CCDC158: variants seen among roughly 807,000 people sequenced by gnomAD.
CCDC158 encodes the protein coiled-coil domain-containing protein 158.
CCDC158 carries 116 observed loss-of-function variants against 138.6 expected under a neutral mutation model. The observed-to-expected ratio is 0.84, with a 90% CI of 0.72 to 0.98. CCDC158 has a LOEUF of 0.98. CCDC158 is among the 50% of genes least tolerant of loss of function. CCDC158 has a pLI of 0.00. For synonymous variants in CCDC158, 436 were observed against 442.4 expected, an observed-to-expected ratio of 0.99 and a Z score of 0.18; for missense variants, 1,265 against 1,306.1, an observed-to-expected ratio of 0.97 and a Z score of 0.48.
Position 76,373,600 on chromosome 4 carries a change from T to C in CCDC158, c.1030-2064A>G, listed in dbSNP as rs150209025. On this transcript the variant is annotated intron_variant, in intron 9 of 24. Coordinates refer to ENST00000682701, the MANE Select transcript of CCDC158 (RefSeq NM_001394954.1). ...CTTCACTTATTCAACACATATTGAA[T>C]TATATTATCTATACATACATACACA... Among the ~76,000 whole-genome samples the C allele has an allele frequency of 9.0e-4, 137 of 152,278 alleles. 1 individual carries two copies. The highest frequency in any genetic ancestry group is 3.3e-3 in the African/African-American group (137 of 41,568).
intron 4 of CCDC158, 81 bp downstream of exon 4, chr4:76,396,188 A>C (rs746295335): frequency 2.0e-4 from 186 of 946,842 alleles, no homozygotes; most frequent in Non-Finnish European, 2.6e-4. Context: ...AGGAAGTTGT[A>C]TAACTGGCTT....
chr4:76,351,056 A>G lies in CCDC158; in HGVS notation c.2604T>C (p.Ser868=). 6.2e-7 allele frequency: 1 copy of G among 1,614,004 alleles called. No homozygotes were observed. Among genetic ancestry groups the G allele is most frequent in the Non-Finnish European group, 8.5e-7 (1 of 1,179,888 alleles). Residue 868 remains serine (S), a synonymous_variant, in exon 18 of 25, where the codon TCT becomes TCC. Coordinates refer to ENST00000682701, the MANE Select transcript of CCDC158 (RefSeq NM_001394954.1). ...SLKPRLLQPA[S]VTRSHSNVPS... is the part of the protein sequence containing the mutation. ...GTACATTAGAATGAGAACGAGTAAC[A>G]GATGCTGGCTGGAGAAGGCGTGGTT...
At chr4:76,353,095 T>C in intron 16 of CCDC158, 28 bp downstream of exon 16, 1 of 1,563,140 alleles carries the variant, frequency 6.4e-7, no homozygotes, top group Non-Finnish European at 8.8e-7. Context: ...TAGTTGATAA[T>C]TACTTCATAT....
In CCDC158 at chr4:76,362,155, G is replaced by T; in HGVS notation, c.1991C>A (p.Thr664Lys). 6.2e-7 allele frequency: 1 copy of T among 1,613,852 alleles called. No individual in the cohort carries two copies. The highest frequency in any genetic ancestry group is 1.3e-5 in the African/African-American group (1 of 74,978). The change falls in exon 13 of 25, where the codon ACA becomes AAA. Residue 664 changes from threonine (T) to lysine (K), a missense_variant. By Grantham distance (78) the Thr-to-Lys change is moderately conservative. Transcript: ENST00000682701. ...AAGATTGTTTAATTCACTCCTACTT[G>T]TTTTCACCTCATTTAATAATTGATC... ...ERDQLLNEVK[T>K]SRSELNNLSE...
intron 3 of CCDC158, chr4:76,401,429 A>C: frequency 2.2e-6 from 1 of 457,290 alleles, no homozygotes; most frequent in Non-Finnish European, 4.3e-6. Context: ...CTGGAAAAAG[A>C]CTAAAACGAT....
intron 4 of CCDC158, among the ~76,000 whole-genome samples, chr4:76,389,666 T>C (rs886120951): frequency 5.3e-5 from 8 of 152,052 alleles, no homozygotes; most frequent in Non-Finnish European, 1.2e-4. Flanking sequence ...AGGCAATTAA[T>C]AATCAAACTC....
In CCDC158 at chr4:76,403,242, A is replaced by C. The variant is rs758405825; in HGVS notation, c.-35T>G. ...TGCTACTTCTTATTAGAGATCTTGA[A>C]GTATGAATGGTTCCCTCTTTGGTTC... On this transcript the variant is annotated 5_prime_UTR_variant, in exon 3 of 25. Coordinates refer to ENST00000682701, the MANE Select transcript of CCDC158 (RefSeq NM_001394954.1). The C allele has an allele frequency of 2.3e-5, 33 of 1,420,340 alleles. No homozygotes were observed. 88.0% of individuals were successfully genotyped at this position (1,420,340 alleles called of 1,614,324 possible).
Position 76,417,108 on chromosome 4 carries a change from G to A in CCDC158, c.-117+3857C>T, listed in dbSNP as rs1016026703. Among the ~76,000 whole-genome samples the A allele has an allele frequency of 1.1e-4, 17 of 152,276 alleles. No individual in the cohort carries two copies. The East Asian group carries it at 1.5e-3, about 14-fold the overall frequency. On this transcript the variant is annotated intron_variant, in intron 1 of 24. Transcript: ENST00000682701. ...CCAAGACCATGGGAACCCATCTCTCGCATCAGCGTGACCTTGATGTGAGAC... is the reference window on the plus strand; with the variant it reads ...CCAAGACCATGGGAACCCATCTCTCACATCAGCGTGACCTTGATGTGAGAC...
intron 12 of CCDC158, among the ~76,000 whole-genome samples, chr4:76,363,875 G>T (rs569286525): frequency 6.6e-6 from 1 of 152,242 alleles, no homozygotes; most frequent in Admixed American, 6.6e-5. Flanking sequence ...AGTGGTTGGC[G>T]TGGGGGTAGG....
intron 21 of CCDC158, among the ~76,000 whole-genome samples, chr4:76,329,207 T>C (rs943376606): frequency 1.3e-5 from 2 of 152,134 alleles, no homozygotes; most frequent in Non-Finnish European, 2.9e-5. Flanking sequence ...CATTAGAAAA[T>C]CCATTTTTGC....
At chr4:76,344,869 T>A (rs1722395353) in intron 18 of CCDC158, 2 of 1,574,178 alleles carry the variant, frequency 1.3e-6, no homozygotes, top group Admixed American at 3.3e-5. Context: ...TTTGCCAAGA[T>A]GAAACAAGAA....
intron 4 of CCDC158, among the ~76,000 whole-genome samples, chr4:76,386,813 C>T (rs774993328): frequency 1.5e-4 from 23 of 152,168 alleles, no homozygotes; most frequent in Non-Finnish European, 2.9e-4. Flanking sequence ...TTATATTTAA[C>T]TCAGTGCTGC....
intron 1 of CCDC158, among the ~76,000 whole-genome samples, chr4:76,418,415 G>T (rs1276589230): frequency 6.6e-6 from 1 of 152,168 alleles, no homozygotes; most frequent in Non-Finnish European, 1.5e-5. Context: ...GAATTTTATG[G>T]TATGTAAATT....
At chr4:76,321,081 C>T (rs946003732) in intron 24 of CCDC158, among the ~76,000 whole-genome samples, 3 of 151,954 alleles carry the variant, frequency 2.0e-5, no homozygotes, top group African/African-American at 7.3e-5. Flanking sequence ...AACAAATAAT[C>T]CCATTAAAAA....
At chr4:76,382,783 T>A in intron 7 of CCDC158, 63 bp from the exon 8 acceptor site, 1 of 1,098,362 alleles carries the variant, frequency 9.1e-7, no homozygotes, top group East Asian at 2.4e-5. Flanking sequence ...TGAATTATTT[T>A]AAAAATTAAT....
intron 18 of CCDC158, among the ~76,000 whole-genome samples, chr4:76,348,425 A>G (rs887584821): frequency 5.3e-5 from 6 of 114,148 alleles, no homozygotes; most frequent in Non-Finnish European, 1.0e-4. Context: ...ACAGAGCAAT[A>G]CTCTGTCTCA....
At position 76,369,627 on chromosome 4, in the gene CCDC158, A is replaced by T; in HGVS notation, c.1150-4T>A. ...TCTCCCTTTTGTGTAGATCAGCCTA[A>T]AAAAAGAGAGGAATGCTTTTTTCCT... On this transcript the variant is annotated splice_polypyrimidine_tract_variant and splice_region_variant and intron_variant, in intron 10 of 24. Transcript: ENST00000682701. The T allele has an allele frequency of 6.2e-7, 1 of 1,604,336 alleles. No individual in the cohort carries two copies. Among genetic ancestry groups the T allele is most frequent in the Non-Finnish European group, 8.5e-7 (1 of 1,175,548 alleles).
At chr4:76,401,455 G>A (rs1728381523) in intron 3 of CCDC158, 4 of 391,050 alleles carry the variant, frequency 1.0e-5, no homozygotes, top group Non-Finnish European at 2.0e-5. Context: ...TTGTGCTGAG[G>A]CCTTGAGTGC....
chr4:76,384,667 T>G lies in CCDC158; in HGVS notation c.289-2A>C. The G allele has an allele frequency of 6.3e-7, 1 of 1,598,008 alleles. No homozygotes were observed. Among genetic ancestry groups the G allele is most frequent in the Non-Finnish European group, 8.5e-7 (1 of 1,171,190 alleles). On this transcript the variant is annotated splice_acceptor_variant, in intron 4 of 24. Transcript: ENST00000682701. LOFTEE classifies it high-confidence loss of function. Reference sequence around the variant, plus strand: ...TTGTTTCTCATGCAATTCATTGCTCTGAAAAAAAAAGCCATGCAAATTAAT... The same window carrying G: ...TTGTTTCTCATGCAATTCATTGCTCGGAAAAAAAAAGCCATGCAAATTAAT...
Sources: allele counts gnomAD v4.1 joint callset (sites outside exome capture counted in the v4.1 genomes callset), GRCh38; gene constraint gnomAD v4.1.1; transcripts MANE v1.5; gene names NCBI Gene and HGNC (gene_info 2026-07-23, HGNC 2026-07-21).